The following AGBL4 variants were observed in gnomAD, a reference collection of about 807,000 sequenced individuals.
AGBL4 encodes the protein cytosolic carboxypeptidase 6.
AGBL4 carries 58 observed loss-of-function variants against 66.4 expected under a neutral mutation model. The ratio of observed to expected loss-of-function variants is 0.87; its 90% CI spans 0.71 to 1.09. AGBL4 has a LOEUF of 1.09. AGBL4 is among the 50% of genes least tolerant of loss of function. The pLI is 0.00. For missense variants in AGBL4, 579 were observed against 631.0 expected (o/e 0.92, Z 0.88); for synonymous variants, 234 against 222.9 (o/e 1.05, Z -0.44).
At chr1:49,412,790 G>A (rs538702908) in intron 3 of AGBL4, among the ~76,000 whole-genome samples, 1 of 152,256 alleles carries the variant, frequency 6.6e-6, no homozygotes, top group Admixed American at 6.5e-5. Flanking sequence ...AGAGTAGGGA[G>A]ATTTTCTGAA....
At chr1:49,465,511 G>A (rs1408593769) in intron 3 of AGBL4, among the ~76,000 whole-genome samples, 1 of 151,680 alleles carries the variant, frequency 6.6e-6, no homozygotes, top group Admixed American at 6.6e-5. Context: ...ATCAACAAAT[G>A]CGACCATCTT....
At chr1:48,583,315 C>G (rs1644768166) in intron 11 of AGBL4, among the ~76,000 whole-genome samples, 1 of 152,192 alleles carries the variant, frequency 6.6e-6, no homozygotes, top group Non-Finnish European at 1.5e-5. Context: ...ATTTAGTTCA[C>G]AGTGCACACT....
At chr1:48,988,514 G>A (rs1660353028) in intron 5 of AGBL4, among the ~76,000 whole-genome samples, 1 of 152,144 alleles carries the variant, frequency 6.6e-6, no homozygotes, top group African/African-American at 2.4e-5. Context: ...GTCGATAAAT[G>A]AAAGCATGGA....
intron 1 of AGBL4, among the ~76,000 whole-genome samples, chr1:49,967,481 G>C (rs1034812503): frequency 6.6e-6 from 1 of 151,984 alleles, no homozygotes; most frequent in Admixed American, 6.6e-5. Context: ...CATGGACATA[G>C]GGAGGGGAAT....
At chr1:48,567,511 C>A (rs1257896515) in intron 11 of AGBL4, among the ~76,000 whole-genome samples, 2 of 152,208 alleles carry the variant, frequency 1.3e-5, no homozygotes, top group African/African-American at 4.8e-5. Flanking sequence ...ATAGCAGAGG[C>A]TGCTGAGAAG....
At chr1:49,391,563 G>GTT (rs368616423) in intron 3 of AGBL4, among the ~76,000 whole-genome samples, 1 of 114,230 alleles carries the variant, frequency 8.8e-6, no homozygotes, top group South Asian at 2.8e-4. Context: ...TTTTTTTTTT[G>GTT]TTTTTTTTTT....
chr1:49,877,201 T>C (rs1334963609), intron 1 of AGBL4, among the ~76,000 whole-genome samples: 1 of 151,208 alleles, frequency 6.6e-6, no homozygotes, highest in Non-Finnish European at 1.5e-5. Flanking sequence ...CTATGTTGAA[T>C]AGGAGTGGTG....
chr1:49,123,047 G>A (rs1283404156), intron 4 of AGBL4, among the ~76,000 whole-genome samples: 2 of 152,026 alleles, frequency 1.3e-5, no homozygotes, highest in Non-Finnish European at 1.5e-5. Flanking sequence ...TAGAGATAGG[G>A]TTTCACTATG....
chr1:49,623,543 A>G (rs1002283093), intron 3 of AGBL4, among the ~76,000 whole-genome samples: 5 of 152,172 alleles, frequency 3.3e-5, no homozygotes, highest in African/African-American at 1.2e-4. Flanking sequence ...CATTAATAGT[A>G]CTAATGCCTC....
chr1:49,783,811 G>A (rs186558812), intron 2 of AGBL4, among the ~76,000 whole-genome samples: 1 of 152,034 alleles, frequency 6.6e-6, no homozygotes, highest in East Asian at 1.9e-4. Context: ...CAAAGTTGTA[G>A]GATATATCAA....
At chr1:49,012,532 C>G (rs556314572) in intron 5 of AGBL4, among the ~76,000 whole-genome samples, 119 of 152,272 alleles carry the variant, frequency 7.8e-4, no homozygotes, top group African/African-American at 2.9e-3. Flanking sequence ...ACTCTTACAG[C>G]ATAATCCAAA....
chr1:49,103,401 C>G (rs1645237816), intron 4 of AGBL4, among the ~76,000 whole-genome samples: 1 of 152,130 alleles, frequency 6.6e-6, no homozygotes, highest in South Asian at 2.1e-4. Context: ...TAAGTAAAGG[C>G]TTGAGAACAG....
intron 1 of AGBL4, among the ~76,000 whole-genome samples, chr1:50,008,702 T>A (rs1371589167): frequency 6.7e-6 from 1 of 150,344 alleles, no homozygotes; most frequent in Non-Finnish European, 1.5e-5. Context: ...ATATAAAAGA[T>A]TAACAAAACA....
At chr1:49,969,213 AC>A (rs1433439514) in intron 1 of AGBL4, among the ~76,000 whole-genome samples, 1 of 152,224 alleles carries the variant, frequency 6.6e-6, no homozygotes, top group Non-Finnish European at 1.5e-5. Flanking sequence ...TTACTGACAT[AC>A]AAAAAGCTAT....
chr1:49,779,767 G>A (rs1644291437), intron 2 of AGBL4, among the ~76,000 whole-genome samples: 2 of 152,110 alleles, frequency 1.3e-5, no homozygotes, highest in South Asian at 4.1e-4. Context: ...ATTGCCTGTA[G>A]TTGGGCCATA....
intron 1 of AGBL4, among the ~76,000 whole-genome samples, chr1:49,918,779 A>C (rs988288804): frequency 6.6e-6 from 1 of 152,072 alleles, no homozygotes; most frequent in Non-Finnish European, 1.5e-5. Flanking sequence ...CAGAGACACA[A>C]AAAAAGAGAA....
intron 6 of AGBL4, among the ~76,000 whole-genome samples, chr1:48,816,270 A>C (rs1646176023): frequency 6.6e-6 from 1 of 152,210 alleles, no homozygotes; most frequent in South Asian, 2.1e-4. Flanking sequence ...GACTAAAGGT[A>C]ACCTTTGAAA....
intron 6 of AGBL4, among the ~76,000 whole-genome samples, chr1:48,798,602 G>T (rs748785725): frequency 2.6e-5 from 4 of 152,154 alleles, no homozygotes; most frequent in Non-Finnish European, 5.9e-5. Flanking sequence ...CTGTCTAGAA[G>T]AATTTTTCTG....
intron 4 of AGBL4, among the ~76,000 whole-genome samples, chr1:49,195,017 T>G (rs952041431): frequency 1.3e-5 from 2 of 152,084 alleles, no homozygotes; most frequent in African/African-American, 4.8e-5. Context: ...TTTAATTTTT[T>G]TTTCTGCAGA....
Sources: gnomAD v4.1 joint callset for allele counts (sites outside exome capture counted in the v4.1 genomes callset) on GRCh38, gnomAD v4.1.1 for gene constraint, MANE v1.5 for transcripts, NCBI Gene and HGNC (gene_info 2026-07-23, HGNC 2026-07-21) for gene names.